Variants in DAPK1 observed in about 807,000 individuals in gnomAD.
DAPK1 encodes the protein death associated protein kinase 1.
Under a neutral mutation model 144.9 loss-of-function variants are expected in DAPK1, and 56 were observed. The observed-to-expected ratio is 0.39, with a 90% CI of 0.31 to 0.48. The LOEUF is 0.48. Among genes scored for constraint, DAPK1 ranks in the 20% least tolerant of loss-of-function variants. The pLI is 0.95. For synonymous variants in DAPK1, 690 were observed against 749.0 expected, an observed-to-expected ratio of 0.92 and a Z score of 1.29; for missense variants, 1,454 against 1,875.4, an observed-to-expected ratio of 0.78 and a Z score of 4.15.
intron 18 of DAPK1, among the ~76,000 whole-genome samples, chr9:87,661,461 T>A (rs1286794315): frequency 6.6e-6 from 1 of 152,198 alleles, no homozygotes; most frequent in Non-Finnish European, 1.5e-5. Flanking sequence ...AAAGTTCCCC[T>A]TTCTCTGCAT....
Position 87,686,690 on chromosome 9 carries a change from C to T in DAPK1, c.2364C>T (p.Ala788=), listed in dbSNP as rs201590228. ...CGACCCACCACCCGCACTGCTCGGCCGATGACCAGTCCACCAAGGCCATCG... is the reference window on the plus strand; with the variant it reads ...CGACCCACCACCCGCACTGCTCGGCTGATGACCAGTCCACCAAGGCCATCG... ...VAPTHHPHCS[A]DDQSTKAIDI... The change falls in exon 21 of 26, where the codon GCC becomes GCT. Residue 788 remains alanine, a synonymous_variant. Transcript: ENST00000408954. The surrounding 1 kb of genome is among the most constrained non-coding windows in gnomAD (Gnocchi z 4.2). The T allele has an allele frequency of 2.4e-5, 39 of 1,613,446 alleles. No homozygotes were observed. The African/African-American group carries it at 4.4e-4, about 18-fold the overall frequency.
At chr9:87,570,317 A>G (rs1315647157) in intron 2 of DAPK1, among the ~76,000 whole-genome samples, 2 of 152,210 alleles carry the variant, frequency 1.3e-5, no homozygotes, top group African/African-American at 4.8e-5. Context: ...GCTTTGTCTA[A>G]TTATTAACAC....
intron 2 of DAPK1, among the ~76,000 whole-genome samples, chr9:87,514,171 G>A (rs1824957841): frequency 1.3e-5 from 2 of 152,062 alleles, no homozygotes; most frequent in African/African-American, 4.8e-5. Flanking sequence ...AGGGAAGGAG[G>A]AGCCTGCACC....
intron 2 of DAPK1, among the ~76,000 whole-genome samples, chr9:87,562,096 G>T (rs1273566176): frequency 6.6e-6 from 1 of 152,212 alleles, no homozygotes; most frequent in Non-Finnish European, 1.5e-5. Context: ...GATTCTCATG[G>T]GGAGAGGGAA....
At chr9:87,634,884 C>A (rs909253570) in intron 3 of DAPK1, among the ~76,000 whole-genome samples, 22 of 152,152 alleles carry the variant, frequency 1.4e-4, no homozygotes, top group Non-Finnish European at 2.9e-4. Context: ...CTGCTGCACA[C>A]CCCTGCTGCC....
rs1229117176 is a variant in DAPK1, at chr9:87,498,416, C to CGCCGGGTCG, written c.-109+317_-109+325dup. The CGCCGGGTCG allele has an allele frequency of 3.5e-4, 112 of 319,356 alleles. 1 individual carries two copies. The highest frequency in any genetic ancestry group is 1.6e-4 in the South Asian group (1 of 6,382). The allele number at this position is 319,356 out of a possible 1,614,324, so 19.8% of individuals were successfully genotyped here. On this transcript the variant is annotated intron_variant, in intron 1 of 25. Transcript: ENST00000408954. ...TCCCTTGCTCCCCCGGGCGGCCGCACGCCGGGTCGGCCGGGTAACGGAGAG... is the reference window on the plus strand; with the variant it reads ...TCCCTTGCTCCCCCGGGCGGCCGCACGCCGGGTCGGCCGGGTCGGCCGGGTAACGGAGAG...
chr9:87,509,324 A>G (rs767983229), intron 2 of DAPK1, among the ~76,000 whole-genome samples: 6 of 152,310 alleles, frequency 3.9e-5, no homozygotes, highest in African/African-American at 1.4e-4. Flanking sequence ...TCATTGGCCT[A>G]TAAATCAGTA....
intron 2 of DAPK1, among the ~76,000 whole-genome samples, chr9:87,506,445 G>A (rs755831773): frequency 1.3e-4 from 20 of 152,166 alleles, no homozygotes; most frequent in African/African-American, 1.7e-4. Flanking sequence ...AACATGTGGC[G>A]TAGTTTTATT....
intron 2 of DAPK1, among the ~76,000 whole-genome samples, chr9:87,532,428 T>G (rs919215277): frequency 6.6e-6 from 1 of 152,346 alleles, no homozygotes; most frequent in East Asian, 1.9e-4. Flanking sequence ...CATGTGGCCC[T>G]CAAACCTGAG....
chr9:87,558,595 AATTCCTCG>A (rs1401980025), intron 2 of DAPK1, among the ~76,000 whole-genome samples: 1 of 152,160 alleles, frequency 6.6e-6, no homozygotes, highest in South Asian at 2.1e-4. Flanking sequence ...GAAAACGAAC[AATTCCTCG>A]ATACTAGCTG....
chr9:87,543,176 T>C (rs145909120), intron 2 of DAPK1, among the ~76,000 whole-genome samples: 39 of 152,364 alleles, frequency 2.6e-4, no homozygotes, highest in African/African-American at 7.9e-4. Context: ...AAACAACATG[T>C]AATTCTTGGT....
At chr9:87,662,327 C>G (rs538528024) in intron 18 of DAPK1, among the ~76,000 whole-genome samples, 2 of 152,088 alleles carry the variant, frequency 1.3e-5, no homozygotes, top group African/African-American at 4.8e-5. Flanking sequence ...TTCATATGAA[C>G]TTTAGAGTTG....
intron 21 of DAPK1, among the ~76,000 whole-genome samples, chr9:87,694,739 G>A (rs1587850785): frequency 6.6e-6 from 1 of 152,194 alleles, no homozygotes; most frequent in African/African-American, 2.4e-5. Context: ...AGCCAAGGTG[G>A]TGGCTGCAGG....
intron 17 of DAPK1, chr9:87,657,538 T>C (rs1830670353): frequency 1.2e-5 from 2 of 166,066 alleles, no homozygotes; most frequent in Admixed American, 1.1e-4. Flanking sequence ...TCAAAAACTT[T>C]AGATATTCCT....
At chr9:87,522,682 T>C (rs1418934690) in intron 2 of DAPK1, among the ~76,000 whole-genome samples, 1 of 152,246 alleles carries the variant, frequency 6.6e-6, no homozygotes, top group Non-Finnish European at 1.5e-5. Context: ...AAAGAGAACA[T>C]GCATCTGTCA....
chr9:87,629,641 T>G (rs1326388174), intron 3 of DAPK1, among the ~76,000 whole-genome samples: 4 of 152,126 alleles, frequency 2.6e-5, no homozygotes, highest in Non-Finnish European at 5.9e-5. Context: ...TCCCGAAGTG[T>G]TGGGTTTGCA....
In DAPK1 at chr9:87,643,372, A is replaced by AAG; in HGVS notation, c.919-3_919-2insGA. 6.4e-7 allele frequency: 1 copy of AAG among 1,557,898 alleles called. No homozygotes were observed. Among genetic ancestry groups the AAG allele is most frequent in the Non-Finnish European group, 8.6e-7 (1 of 1,157,530 alleles). On this transcript the variant is annotated splice_polypyrimidine_tract_variant and splice_region_variant and intron_variant, in intron 10 of 25. Coordinates refer to ENST00000408954, the MANE Select transcript of DAPK1 (RefSeq NM_004938.4). ...CTTTTTTTTTTTTTTTTTTTAAAAA[A>AAG]AAGCAATCCGTTCGCTTGATATCAC...
intron 2 of DAPK1, among the ~76,000 whole-genome samples, chr9:87,526,571 A>G (rs761913465): frequency 2.0e-5 from 3 of 152,224 alleles, no homozygotes; most frequent in Non-Finnish European, 2.9e-5. Flanking sequence ...GATTTTTCCA[A>G]TGCCTTCCTG....
At chr9:87,554,718 G>A (rs1024851506) in intron 2 of DAPK1, among the ~76,000 whole-genome samples, 2 of 152,192 alleles carry the variant, frequency 1.3e-5, no homozygotes, top group Non-Finnish European at 2.9e-5. Context: ...ACCCAAATGA[G>A]CAAAGTGCCA....
Sources: allele counts gnomAD v4.1 joint callset (sites outside exome capture counted in the v4.1 genomes callset), GRCh38; gene constraint gnomAD v4.1.1; non-coding constraint Gnocchi (gnomAD v3.1); transcripts MANE v1.5; gene names NCBI Gene and HGNC (gene_info 2026-07-23, HGNC 2026-07-21).